The following C1QTNF5 variants were observed in gnomAD, a reference collection of about 807,000 sequenced individuals.
C1QTNF5 encodes complement C1q tumor necrosis factor-related protein 5.
Under a neutral mutation model 10.9 loss-of-function variants are expected in C1QTNF5, and 5 were observed. The observed-to-expected ratio is 0.46, with a 90% CI of 0.24 to 0.97. The LOEUF (loss-of-function observed/expected upper bound fraction) is 0.97, where lower values mean the gene tolerates loss of function less well. C1QTNF5 is among the 50% of genes least tolerant of loss of function. The pLI, the probability that C1QTNF5 is intolerant of heterozygous loss-of-function variation, is 0.19. For missense variants in C1QTNF5, 281 were observed against 339.4 expected (o/e 0.83, Z 1.35); for synonymous variants, 161 against 156.5 (o/e 1.03, Z -0.22).
Position 119,340,362 on chromosome 11 carries a change from C to G in C1QTNF5, c.36G>C (p.Leu12=), listed in dbSNP as rs534690569. The G allele has an allele frequency of 1.9e-6, 3 of 1,544,050 alleles. No homozygotes were observed. In the African/African-American group the frequency reaches 4.1e-5, roughly 21 times the overall value. The stretch of plus-strand genomic sequence containing the variant: ...CGTCCAGTGGGGGCGAGCCGGCCGC[C>G]AGGCCCAGGAGCAGCAGGACGAGGA... ...RPLLVLLLLG[L]AAGSPPLDDN... The change falls in exon 2 of 3, where the codon CTG becomes CTC. Residue 12 remains leucine, a synonymous_variant. Transcript: ENST00000528368.
upstream of C1QTNF5, chr11:119,345,765 G>T: frequency 6.2e-7 from 1 of 1,613,524 alleles, no homozygotes; most frequent in Non-Finnish European, 8.5e-7. Flanking sequence ...TCTGCCCCCA[G>T]TACTCACTGG....
upstream of C1QTNF5, chr11:119,344,837 A>C (rs375640479): frequency 2.5e-6 from 4 of 1,613,358 alleles, no homozygotes; most frequent in African/African-American, 5.3e-5. Context: ...GAGGGGAAGA[A>C]AGTGGACACT....
chr11:119,342,210 G>A (rs879111265), upstream of C1QTNF5, among the ~76,000 whole-genome samples: 4 of 152,224 alleles, frequency 2.6e-5, no homozygotes, highest in Admixed American at 2.0e-4. Context: ...ATGCAGGCAC[G>A]TCTTTAATCT....
At chr11:119,345,843 G>A, upstream of C1QTNF5, 1 of 1,613,960 alleles carries the variant, frequency 6.2e-7, no homozygotes, top group South Asian at 1.1e-5. Context: ...GAGAGGTGGT[G>A]ATGGTGGGGG....
upstream of C1QTNF5, chr11:119,341,313 C>G: frequency 1.7e-6 from 1 of 575,580 alleles, no homozygotes; most frequent in East Asian, 2.9e-5. Flanking sequence ...CTCGATTGTC[C>G]GGTGGCACAG....
chr11:119,344,882 G>A, upstream of C1QTNF5: 1 of 1,613,192 alleles, frequency 6.2e-7, no homozygotes, highest in Admixed American at 1.7e-5. Context: ...ACCGCGCCCA[G>A]GGGCCATAGC....
chr11:119,344,804 T>G (rs1439640913), upstream of C1QTNF5: 1 of 1,613,644 alleles, frequency 6.2e-7, no homozygotes, highest in Non-Finnish European at 8.5e-7. Flanking sequence ...TCTCCACCCC[T>G]TTGACAGGAC....
chr11:119,341,805 T>A, upstream of C1QTNF5: 1 of 1,613,440 alleles, frequency 6.2e-7, no homozygotes, highest in Non-Finnish European at 8.5e-7. Flanking sequence ...AGGCACCTGC[T>A]CCCAGGCTCC....
chr11:119,339,156 G>C lies in C1QTNF5; in HGVS notation c.*175C>G, dbSNP rs1950469389. ...GCCACTGCCCCATGCTGCCAGACCT[G>C]ATCGCAGACAGCCACTGTTCCCATT... is the stretch of plus-strand genomic sequence containing the variant. On this transcript the variant is annotated 3_prime_UTR_variant, in exon 3 of 3. Transcript: ENST00000528368. This position sits in a 1 kb window ranked among gnomAD's most constrained non-coding sequence, Gnocchi z 5.4. The C allele has an allele frequency of 5.6e-6, 4 of 709,268 alleles. No homozygotes were observed. Among genetic ancestry groups the C allele is most frequent in the Non-Finnish European group, 9.2e-6 (4 of 436,430 alleles). 43.9% of individuals were successfully genotyped at this position (709,268 alleles called of 1,614,324 possible). A position where few individuals can be genotyped will look rare whatever the true frequency, so the allele number is the denominator to read the frequency against.
chr11:119,346,153 C>T, the C1QTNF5 span: 63 of 1,590,012 alleles, frequency 4.0e-5, no homozygotes, highest in Non-Finnish European at 4.6e-5. Context: ...CCCTCGAGGA[C>T]GCCGACCTGC....
chr11:119,346,266 G>A, the C1QTNF5 span: 3 of 1,610,280 alleles, frequency 1.9e-6, no homozygotes, highest in Non-Finnish European at 2.5e-6. Context: ...CCCCTGGGAT[G>A]GTTACCATGC....
At chr11:119,340,149 C>A in intron 2 of C1QTNF5, 35 bp downstream of exon 2, 1 of 1,505,344 alleles carries the variant, frequency 6.6e-7, no homozygotes, top group Non-Finnish European at 8.8e-7. Flanking sequence ...CCTGCTCGGA[C>A]ATCGCCACCG....
upstream of C1QTNF5, chr11:119,343,786 T>C: frequency 6.2e-7 from 1 of 1,612,496 alleles, no homozygotes; most frequent in Non-Finnish European, 8.5e-7. Context: ...GAGGATGGAG[T>C]TATCCATGGC....
upstream of C1QTNF5, chr11:119,344,059 G>C (rs1268520880): frequency 1.3e-6 from 2 of 1,519,272 alleles, no homozygotes; most frequent in African/African-American, 2.7e-5. Context: ...CTGGCTGGGG[G>C]GATGGGGTGG....
At chr11:119,345,671 A>G (rs778893380), upstream of C1QTNF5, 2 of 1,612,518 alleles carry the variant, frequency 1.2e-6, no homozygotes, top group African/African-American at 2.7e-5. Context: ...GGTCAAAAGG[A>G]GTGAGGTCCT....
At chr11:119,345,740 C>T (rs763146062), upstream of C1QTNF5, 2 of 1,613,338 alleles carry the variant, frequency 1.2e-6, no homozygotes, top group Non-Finnish European at 1.7e-6. Context: ...CATCTTGGGC[C>T]CTTCTCCCGG....
chr11:119,344,735 G>T, upstream of C1QTNF5: 1 of 1,614,056 alleles, frequency 6.2e-7, no homozygotes, highest in Non-Finnish European at 8.5e-7. Context: ...GGTCACAGCG[G>T]AACTCATCAT....
chr11:119,340,051 C>T (rs903854939), intron 2 of C1QTNF5, 133 bp downstream of exon 2: 1 of 1,285,850 alleles, frequency 7.8e-7, no homozygotes, highest in Non-Finnish European at 1.0e-6. Context: ...TGGGCCCCTC[C>T]CCCGCTCAGG....
At chr11:119,345,165 C>T (rs916402716), upstream of C1QTNF5, among the ~76,000 whole-genome samples, 2 of 152,210 alleles carry the variant, frequency 1.3e-5, no homozygotes, top group African/African-American at 2.4e-5. Context: ...ACCTTCCTAG[C>T]ACCTGCACAT....
Sources: allele counts gnomAD v4.1 joint callset (sites outside exome capture counted in the v4.1 genomes callset), GRCh38; gene constraint gnomAD v4.1.1; non-coding constraint Gnocchi (gnomAD v3.1); transcripts MANE v1.5; gene names NCBI Gene and HGNC (gene_info 2026-07-23, HGNC 2026-07-21).